F8: variants seen among roughly 807,000 people sequenced by gnomAD.
F8 encodes coagulation factor VIII, also known as antihemophilic factor.
F8 carries 12 observed loss-of-function variants against 140.6 expected under a neutral mutation model. The ratio of observed to expected loss-of-function variants is 0.09; its 90% confidence interval spans 0.05 to 0.14. F8 has a LOEUF of 0.14. Ranked by LOEUF, F8 falls within the 10% of genes least tolerant of loss-of-function variation. F8 has a pLI of 1.00. For missense variants in F8, 1,354 were observed against 1,720.7 expected (o/e 0.79, Z 3.77); for synonymous variants, 585 against 614.6 (o/e 0.95, Z 0.71).
At chrX:154,850,319 G>C (rs782636572) in intron 25 of F8, among the ~76,000 whole-genome samples, 33 of 109,825 alleles carry the variant, frequency 3.0e-4, no homozygotes, top group African/African-American at 1.0e-3. Flanking sequence ...AGTAGAGGGG[G>C]GTTTCACCAT....
rs2072471074 is a variant in F8, at chrX:154,835,851, G to A, written c.*1746C>T. ...TGAAGAAACCAGCAGGAAAATAAAA[G>A]AGCTAGTTCCATGAACATTTGAGAA... On this transcript the variant is annotated 3_prime_UTR_variant, in exon 26 of 26. Transcript: ENST00000360256. 8.9e-6 allele frequency: 1 copy of A among 112,343 alleles called. No homozygotes were observed. The highest frequency in any genetic ancestry group is 1.9e-5 in the Non-Finnish European group (1 of 53,294). The allele number at this position is 112,343 out of a possible 1,213,427, so 9.3% of individuals were successfully genotyped here.
At chrX:154,947,653 T>G in intron 13 of F8, 45 bp downstream of exon 13, 1 of 1,016,606 alleles carries the variant, frequency 9.8e-7, no homozygotes, top group African/African-American at 1.8e-5. Context: ...GAATGGCTAG[T>G]GAAGCATTCA....
intron 2 of F8, 38 bp from the exon 3 acceptor site, chrX:154,997,133 A>G: frequency 2.5e-6 from 3 of 1,207,172 alleles, no homozygotes; most frequent in Non-Finnish European, 3.4e-6. Context: ...TTACTTGGGG[A>G]TAGTACTCCA....
At chrX:154,855,762 C>T (rs1464111774) in intron 25 of F8, among the ~76,000 whole-genome samples, 1 of 110,844 alleles carries the variant, frequency 9.0e-6, no homozygotes, top group African/African-American at 3.3e-5. Context: ...CCCACCCTAC[C>T]ACCCCTCTTT....
At position 154,836,537 on chromosome X, in the gene F8, G is replaced by A. The variant is rs192048301; in HGVS notation, c.*1060C>T. ...AAGTAGGACTCTAGTTTTCAGTCAC[G>A]GTATATAATTTCCCCTGTTACATTT... On this transcript the variant is annotated 3_prime_UTR_variant, in exon 26 of 26. Transcript: ENST00000360256. 2.0e-4 allele frequency: 22 copies of A among 111,563 alleles called. No individual in the cohort carries two copies. Among genetic ancestry groups the A allele is most frequent in the South Asian group, 3.8e-4 (1 of 2,636 alleles). 9.2% of individuals were successfully genotyped at this position (111,563 alleles called of 1,213,427 possible). A position where few individuals can be genotyped will look rare whatever the true frequency, so the allele number is the denominator to read the frequency against.
chrX:154,901,813 G>A (rs782003264), intron 19 of F8, among the ~76,000 whole-genome samples: 2 of 111,432 alleles, frequency 1.8e-5, no homozygotes, highest in Non-Finnish European at 3.8e-5. Flanking sequence ...GTGAAAATGA[G>A]GTGGTATTTT....
intron 22 of F8, among the ~76,000 whole-genome samples, chrX:154,866,298 T>C (rs2072731052): frequency 8.9e-6 from 1 of 111,744 alleles, no homozygotes; most frequent in Admixed American, 9.5e-5. Context: ...TATAATATAG[T>C]TGACTTCAAT....
chrX:154,956,200 C>T (rs1281855269), intron 11 of F8, among the ~76,000 whole-genome samples: 4 of 112,290 alleles, frequency 3.6e-5, no homozygotes. Context: ...CTGGAAATCG[C>T]TGTTATCCTG....
intron 22 of F8, among the ~76,000 whole-genome samples, chrX:154,892,746 C>T (rs1557275258): frequency 1.8e-5 from 2 of 111,633 alleles, no homozygotes; most frequent in South Asian, 7.5e-4. Flanking sequence ...TATTACCATC[C>T]TGTAAACCCA....
chrX:155,014,375 C>T (rs2124166613), intron 1 of F8, among the ~76,000 whole-genome samples: 1 of 110,874 alleles, frequency 9.0e-6, no homozygotes, highest in South Asian at 3.8e-4. Flanking sequence ...AGGAAGAAGA[C>T]AAGGATTCTG....
intron 21 of F8, among the ~76,000 whole-genome samples, chrX:154,896,538 T>C (rs868985574): frequency 7.1e-5 from 7 of 98,174 alleles, no homozygotes; most frequent in South Asian, 4.6e-4. Context: ...CACACACACA[T>C]ACACACAAAC....
chrX:154,985,896 T>A (rs1397935614), intron 5 of F8, among the ~76,000 whole-genome samples: 4 of 111,989 alleles, frequency 3.6e-5, no homozygotes, highest in Non-Finnish European at 7.5e-5. Flanking sequence ...AAATTTCACT[T>A]TGCTTGAAGG....
At chrX:154,993,927 T>G (rs782584197) in intron 3 of F8, among the ~76,000 whole-genome samples, 1 of 112,506 alleles carries the variant, frequency 8.9e-6, no homozygotes, top group Admixed American at 9.4e-5. Flanking sequence ...AATATTCACC[T>G]ATTTATTCAC....
intron 11 of F8, among the ~76,000 whole-genome samples, chrX:154,955,317 ATTTTTT>A (rs34537569): frequency 1.5e-5 from 1 of 66,890 alleles, no homozygotes; most frequent in African/African-American, 7.1e-5. Context: ...TGCCCAGCTA[ATTTTTT>A]TTTTTTTTTT....
Position 154,904,508 on chromosome X carries a change from G to A in F8, c.5603C>T (p.Ser1868Leu). 8.3e-7 allele frequency: 1 copy of A among 1,208,056 alleles called. No homozygotes were observed. Among genetic ancestry groups the A allele is most frequent in the Non-Finnish European group, 1.1e-6 (1 of 892,324 alleles). ...SDVDLEKDVH[S>L]GLIGPLLVCH... ...GACCAGAAGGGGTCCAATCAGGCCT[G>A]AGTGCACATCTTTTTCCTAGGGAGG... Residue 1868 changes from serine to leucine, a missense_variant, in exon 17 of 26, where the codon TCA becomes TTA. Coordinates refer to ENST00000360256, the MANE Select transcript of F8 (RefSeq NM_000132.4).
At chrX:154,865,881 G>C (rs146012190) in intron 22 of F8, among the ~76,000 whole-genome samples, 1 of 111,362 alleles carries the variant, frequency 9.0e-6, no homozygotes, top group Non-Finnish European at 1.9e-5. Context: ...AGTGTAAATT[G>C]ACTAAACTCC....
chrX:155,019,701 C>G (rs953630017), intron 1 of F8, among the ~76,000 whole-genome samples: 13 of 110,537 alleles, frequency 1.2e-4, no homozygotes, highest in African/African-American at 3.0e-4. Flanking sequence ...GGCTGATATA[C>G]AGGAGAATTG....
intron 22 of F8, among the ~76,000 whole-genome samples, chrX:154,877,788 T>C (rs1160264391): frequency 8.9e-6 from 1 of 112,298 alleles, no homozygotes; most frequent in Non-Finnish European, 1.9e-5. Context: ...ATTAAGTTTG[T>C]GGTAATTTGC....
chrX:154,891,673 A>C (rs1223865479), intron 22 of F8, among the ~76,000 whole-genome samples: 1 of 112,730 alleles, frequency 8.9e-6, no homozygotes, highest in African/African-American at 3.2e-5. Context: ...GTAAATTCAA[A>C]TGTATTCTGA....
Sources: gnomAD v4.1 joint callset for allele counts (sites outside exome capture counted in the v4.1 genomes callset) on GRCh38, gnomAD v4.1.1 for gene constraint, MANE v1.5 for transcripts, NCBI Gene and HGNC (gene_info 2026-07-23, HGNC 2026-07-21) for gene names.